Variants in ACSF3 observed in about 807,000 individuals in gnomAD.
The protein encoded by ACSF3 is acyl-CoA synthetase family member 3.
In ACSF3, 78 loss-of-function variants were observed where a neutral mutation model predicts 53.2. The observed-to-expected ratio is 1.47, with a 90% CI of 1.22 to 1.77. ACSF3 has a LOEUF of 1.77. Among genes scored for constraint, ACSF3 ranks in the 40% most tolerant of loss-of-function variants. ACSF3 has a pLI of 0.00. For missense variants in ACSF3, 937 were observed against 771.1 expected (o/e 1.22, Z -2.55); for synonymous variants, 414 against 333.1 (o/e 1.24, Z -2.65).
chr16:89,155,587 G>A lies in ACSF3; in HGVS notation c.*1380G>A, dbSNP rs747512145. On this transcript the variant is annotated 3_prime_UTR_variant, in exon 11 of 11. Transcript: ENST00000614302. The stretch of plus-strand genomic sequence containing the variant: ...TTGTGCATCCCCATGGCCTGACCCC[G>A]GGAACAGTCAGAGGAAGGGGTCCCG... 8.8e-6 allele frequency: 4 copies of A among 454,074 alleles called. No homozygotes were observed. Among genetic ancestry groups the A allele is most frequent in the South Asian group, 3.1e-5 (2 of 64,478 alleles). 28.1% of individuals were successfully genotyped at this position (454,074 alleles called of 1,614,324 possible). A position where few individuals can be genotyped will look rare whatever the true frequency, so the allele number is the denominator to read the frequency against.
At chr16:89,131,221 C>T (rs1328831575) in intron 7 of ACSF3, among the ~76,000 whole-genome samples, 1 of 145,972 alleles carries the variant, frequency 6.9e-6, no homozygotes, top group East Asian at 2.2e-4. Flanking sequence ...GCAATCTCCA[C>T]CTCAAGCGAT....
intron 8 of ACSF3, chr16:89,141,316 A>G: frequency 3.1e-6 from 4 of 1,284,508 alleles, no homozygotes; most frequent in Non-Finnish European, 4.1e-6. Flanking sequence ...GGGCAGGGAG[A>G]TGTCGACCCT....
intron 8 of ACSF3, 98 bp downstream of exon 8, chr16:89,133,360 G>C: frequency 6.5e-7 from 1 of 1,546,268 alleles, no homozygotes; most frequent in African/African-American, 1.4e-5. Flanking sequence ...GGAGTTCCCA[G>C]AATTTTCAGC....
At chr16:89,151,016 A>C in intron 10 of ACSF3, 2 of 1,288,694 alleles carry the variant, frequency 1.6e-6, no homozygotes, top group Non-Finnish European at 2.0e-6. Flanking sequence ...ACCAAAGGTC[A>C]TGAGTTTTCA....
At chr16:89,106,676 C>G (rs991427079) in intron 4 of ACSF3, among the ~76,000 whole-genome samples, 1 of 152,174 alleles carries the variant, frequency 6.6e-6, no homozygotes, top group Non-Finnish European at 1.5e-5. Context: ...TCAGGGTTTT[C>G]CAACTTTAGG....
chr16:89,119,532 T>C (rs1316070784), intron 6 of ACSF3, among the ~76,000 whole-genome samples: 1 of 152,164 alleles, frequency 6.6e-6, no homozygotes, highest in African/African-American at 2.4e-5. Flanking sequence ...AAGTCATGTG[T>C]TATGCGGGTT....
At chr16:89,099,733 G>T (rs902744848) in intron 2 of ACSF3, among the ~76,000 whole-genome samples, 7 of 151,988 alleles carry the variant, frequency 4.6e-5, no homozygotes, top group African/African-American at 1.7e-4. Flanking sequence ...AGTGAGCCCA[G>T]ATCACACTAC....
rs1054027205 is a variant in ACSF3, at chr16:89,134,953, A to G, written c.1366+1691A>G. Among the ~76,000 whole-genome samples the G allele has an allele frequency of 9.9e-5, 15 of 151,992 alleles. 1 individual carries two copies. In the South Asian group the frequency reaches 1.4e-3, roughly 15 times the overall value. On this transcript the variant is annotated intron_variant, in intron 8 of 10. Transcript: ENST00000614302. ...CAGACGTGCGTGGGTGGACATTTGG[A>G]GAGTGGACACACGTGGTTGTGTGGC... is the stretch of plus-strand genomic sequence containing the variant.
Position 89,107,646 on chromosome 16 carries a change from G to A in ACSF3, c.823-4446G>A, listed in dbSNP as rs572550478. Among the ~76,000 whole-genome samples the A allele has an allele frequency of 1.1e-3, 171 of 152,350 alleles. 2 individuals carry two copies. Among genetic ancestry groups the A allele is most frequent in the African/African-American group, 3.7e-3 (154 of 41,578 alleles). On this transcript the variant is annotated intron_variant, in intron 4 of 10. Coordinates refer to ENST00000614302, the MANE Select transcript of ACSF3 (RefSeq NM_001243279.3). ...CTTGAAGGACTTGAGATTGTTTTCA[G>A]TTTGTGGCTATTAGAAGTCACGGTT...
chr16:89,153,594 A>C, intron 10 of ACSF3: 1 of 221,546 alleles, frequency 4.5e-6, no homozygotes, highest in Non-Finnish European at 9.2e-6. Context: ...TTGTGTCTGC[A>C]GGACTGTGCG....
At chr16:89,127,469 A>G (rs774953744) in intron 7 of ACSF3, among the ~76,000 whole-genome samples, 7 of 152,004 alleles carry the variant, frequency 4.6e-5, no homozygotes, top group Non-Finnish European at 1.0e-4. Context: ...GGCTCAAGTG[A>G]TCCTGCGTCA....
intron 7 of ACSF3, among the ~76,000 whole-genome samples, chr16:89,121,546 G>T (rs7500326): frequency 0.14 from 21,095 of 152,284 alleles, 1,576 homozygotes; most frequent in African/African-American, 0.21. Context: ...TCATCACAGA[G>T]AAAGGTTTAG....
In ACSF3 at chr16:89,101,069, C is replaced by A; in HGVS notation, c.388C>A (p.Pro130Thr). 6.2e-7 allele frequency: 1 copy of A among 1,614,028 alleles called. No homozygotes were observed. The highest frequency in any genetic ancestry group is 8.5e-7 in the Non-Finnish European group (1 of 1,179,980). ...GVAVPLYRKH[P>T]AAQLEYVICD... ...GGCAGTCCCCCTCTACAGGAAGCAT[C>A]CCGCGGCCCAGCTGGAGTATGTCAT... Residue 130 changes from proline to threonine, a missense_variant, in exon 3 of 11, where the codon CCC becomes ACC. By Grantham distance (38) the Pro-to-Thr change is conservative (BLOSUM62 -1). Transcript: ENST00000614302.
intron 2 of ACSF3, among the ~76,000 whole-genome samples, chr16:89,100,226 C>T (rs760624301): frequency 1.1e-4 from 16 of 152,224 alleles, no homozygotes; most frequent in Non-Finnish European, 1.8e-4. Flanking sequence ...GTGTCTGCCC[C>T]GGGGGCGGGG....
intron 3 of ACSF3, among the ~76,000 whole-genome samples, 183 bp downstream of exon 3, chr16:89,101,530 C>A (rs192592499): frequency 1.7e-4 from 26 of 152,326 alleles, no homozygotes; most frequent in African/African-American, 6.0e-4. Flanking sequence ...GCCTCACTGG[C>A]CACGCAGGAC....
chr16:89,118,978 C>T (rs1205628916), intron 6 of ACSF3, among the ~76,000 whole-genome samples: 6 of 152,130 alleles, frequency 3.9e-5, no homozygotes, highest in African/African-American at 7.2e-5. Flanking sequence ...GCACAGCGAG[C>T]GGCACCTGGA....
chr16:89,098,599 C>G lies in ACSF3; in HGVS notation c.-185C>G. On this transcript the variant is annotated 5_prime_UTR_variant, in exon 2 of 11. Coordinates refer to ENST00000614302, the MANE Select transcript of ACSF3 (RefSeq NM_001243279.3). ...CAGATGCCCGTTGACAGGTGTCCCA[C>G]CGGCCTTCCGGGTTCCAGCGCCAGG... 2.2e-6 allele frequency: 1 copy of G among 452,186 alleles called. No homozygotes were observed. The highest frequency in any genetic ancestry group is 4.4e-6 in the Non-Finnish European group (1 of 225,094). The allele number at this position is 452,186 out of a possible 1,614,324, so 28.0% of individuals were successfully genotyped here.
At chr16:89,128,222 C>T (rs12102787) in intron 7 of ACSF3, among the ~76,000 whole-genome samples, 10,122 of 150,770 alleles carry the variant, frequency 0.067, 547 homozygotes, top group Middle Eastern at 0.16. Flanking sequence ...TTAGCTGCAT[C>T]CCCAAATTTA....
In ACSF3 at chr16:89,145,411, CGGA is replaced by C; in HGVS notation, c.1501+11_1501+13del. The C allele has an allele frequency of 6.2e-7, 1 of 1,613,904 alleles. No individual in the cohort carries two copies. The highest frequency in any genetic ancestry group is 8.5e-7 in the Non-Finnish European group (1 of 1,179,980). On this transcript the variant is annotated intron_variant, in intron 9 of 10. Transcript: ENST00000614302. ...CACCCCAGCATCACAGGTGCGTGGC[CGGA>C]CTTGGGCCAGGGAGGCCAGGCTAGA...
Sources: allele counts gnomAD v4.1 joint callset (sites outside exome capture counted in the v4.1 genomes callset), GRCh38; gene constraint gnomAD v4.1.1; transcripts MANE v1.5; gene names NCBI Gene and HGNC (gene_info 2026-07-23, HGNC 2026-07-21).